MATK: variants seen among roughly 807,000 people sequenced by gnomAD.
MATK encodes the protein megakaryocyte-associated tyrosine-protein kinase.
In MATK, 41 loss-of-function variants were observed where a neutral mutation model predicts 59.8. That is an observed-to-expected ratio of 0.69 (90% CI 0.53 to 0.89). The LOEUF is 0.89. Among genes scored for constraint, MATK ranks in the 40% least tolerant of loss-of-function variants. The pLI, the probability that MATK is intolerant of heterozygous loss-of-function variation, is 0.00. For missense variants in MATK, 593 were observed against 719.6 expected (o/e 0.82, Z 2.01); for synonymous variants, 308 against 306.1 (o/e 1.01, Z -0.06).
intron 7 of MATK, chr19:3,782,784 C>T: frequency 2.9e-6 from 1 of 347,516 alleles, no homozygotes; most frequent in Non-Finnish European, 5.3e-6. Flanking sequence ...GGGCCTGAGG[C>T]TGGGCTGTGG....
chr19:3,779,874 C>T (rs2037375349), intron 8 of MATK, 77 bp from the exon 9 acceptor site: 9 of 873,186 alleles, frequency 1.0e-5, no homozygotes, highest in African/African-American at 1.6e-5. Context: ...CGGACAGGCC[C>T]GCTCACACCG....
At chr19:3,780,308 AAG>A (rs950657007) in intron 8 of MATK, among the ~76,000 whole-genome samples, 6 of 151,896 alleles carry the variant, frequency 4.0e-5, no homozygotes, top group Non-Finnish European at 5.9e-5. Context: ...AACAAAAACA[AAG>A]AGAGAACCAT....
chr19:3,800,178 TA>T (rs2037630532), intron 1 of MATK, among the ~76,000 whole-genome samples: 1 of 146,058 alleles, frequency 6.8e-6, no homozygotes, highest in Non-Finnish European at 1.5e-5. Context: ...AAAAGAAAAA[TA>T]AAATGTGTCT....
At chr19:3,796,507 T>C (rs1768973761) in intron 1 of MATK, among the ~76,000 whole-genome samples, 1 of 152,162 alleles carries the variant, frequency 6.6e-6, no homozygotes, top group African/African-American at 2.4e-5. Flanking sequence ...TTATTGACAG[T>C]GGAGCAATGT....
At chr19:3,784,600 GGAAA>G (rs1287902163) in intron 3 of MATK, 149 bp from the exon 4 acceptor site, 8 of 653,468 alleles carry the variant, frequency 1.2e-5, no homozygotes, top group Admixed American at 2.6e-5. Flanking sequence ...AGACATCGGG[GGAAA>G]GAAAGGGGGA....
chr19:3,779,775 C>T lies in MATK; in HGVS notation c.765G>A (p.Leu255=). The T allele has an allele frequency of 6.2e-7, 1 of 1,612,894 alleles. No homozygotes were observed. The highest frequency in any genetic ancestry group is 1.1e-5 in the South Asian group (1 of 91,068). The stretch of plus-strand genomic sequence containing the variant: ...TATTCTTCACGGCCACCTTTTGCCC[C>T]AGGTACTCACCCTGCAGGACAGCTG... ...EFGAVLQGEY[L]GQKVAVKNIK... is the part of the protein sequence containing the mutation. The change falls in exon 9 of 14, where the codon CTG becomes CTA. Residue 255 remains leucine (L), a synonymous_variant. Transcript: ENST00000310132.
In MATK at chr19:3,778,613, G is replaced by A; in HGVS notation, c.1198-18C>T. 1 of 1,594,748 alleles carries A rather than the reference G, an allele frequency of 6.3e-7. No individual in the cohort carries two copies. ...GTGAACTTCTGTGGGGCCCGAGACG[G>A]GGGTGAGGAGGGACCCCTCAGGTTT... On this transcript the variant is annotated intron_variant, in intron 12 of 13. Transcript: ENST00000310132.
At chr19:3,781,900 A>G (rs55805650) in intron 7 of MATK, among the ~76,000 whole-genome samples, 4,896 of 152,310 alleles carry the variant, frequency 0.032, 126 homozygotes, top group Middle Eastern at 0.092. Context: ...GTTGACCTGA[A>G]CAAAAAGGGG....
At chr19:3,788,982 C>T (rs530766981), upstream of MATK, among the ~76,000 whole-genome samples, 75 of 152,238 alleles carry the variant, frequency 4.9e-4, no homozygotes, top group African/African-American at 1.7e-3. Flanking sequence ...TGAGCCACGG[C>T]GCATGGTTTA....
In MATK at chr19:3,794,062, C is replaced by T. The variant is rs542756672; in HGVS notation, c.-57-4658G>A. Among the ~76,000 whole-genome samples the T allele has an allele frequency of 9.5e-4, 145 of 152,172 alleles. 1 individual carries two copies. The highest frequency in any genetic ancestry group is 2.9e-3 in the African/African-American group (121 of 41,522). On this transcript the variant is annotated intron_variant, in intron 1 of 13. Transcript: ENST00000395045. ...CACATGCTCTTCCTATCTCCTAGTA[C>T]TACATCCTTCCCCCAGCTCTTCTCA...
chr19:3,778,756 G>A (rs984430247), intron 12 of MATK, among the ~76,000 whole-genome samples, 161 bp from the exon 13 acceptor site: 7 of 152,212 alleles, frequency 4.6e-5, no homozygotes, highest in African/African-American at 1.7e-4. Context: ...CTCAGCCTTA[G>A]TGCATGAAGG....
At chr19:3,780,685 G>GC (rs1476679848) in intron 8 of MATK, among the ~76,000 whole-genome samples, 1 of 150,926 alleles carries the variant, frequency 6.6e-6, no homozygotes, top group Non-Finnish European at 1.5e-5. Flanking sequence ...GCCCGCCTCA[G>GC]CCTCCCAAAG....
At chr19:3,788,964 T>TA (rs1313141044), upstream of MATK, among the ~76,000 whole-genome samples, 1 of 152,196 alleles carries the variant, frequency 6.6e-6, no homozygotes, top group African/African-American at 2.4e-5. Context: ...GTGCTGGGAT[T>TA]ATAGGCGTGA....
upstream of MATK, among the ~76,000 whole-genome samples, chr19:3,790,556 G>A (rs542221682): frequency 5.3e-5 from 8 of 152,280 alleles, no homozygotes; most frequent in African/African-American, 1.9e-4. Flanking sequence ...GCTCAGCCTG[G>A]CATCCAGGGC....
In MATK at chr19:3,795,675, AG is replaced by A. The variant is rs531147594; in HGVS notation, c.-58+5856del. Among the ~76,000 whole-genome samples the A allele has an allele frequency of 2.0e-5, 3 of 149,760 alleles. No homozygotes were observed. In the South Asian group the frequency reaches 6.3e-4, roughly 32 times the overall value. ...GAGGAGTTGTGCGGATACAGATGGC[AG>A]GTTGGACTTGGCCCTCAGACTGTAG... On this transcript the variant is annotated intron_variant, in intron 1 of 13. Transcript: ENST00000395045.
chr19:3,791,850 G>A (rs1436704195), intron 1 of MATK, among the ~76,000 whole-genome samples: 3 of 151,836 alleles, frequency 2.0e-5, no homozygotes, highest in Admixed American at 2.0e-4. Flanking sequence ...GCTCACACCT[G>A]TAATCCCAGC....
In MATK at chr19:3,784,464, C is replaced by A; in HGVS notation, c.133-13G>T. On this transcript the variant is annotated splice_polypyrimidine_tract_variant and intron_variant, in intron 3 of 13. Coordinates refer to ENST00000310132, the MANE Select transcript of MATK (RefSeq NM_139355.3). ...GGGCCCAGCGCCTCTGCAGAGGGGG[C>A]CGGGAGAGGGGCAAAGGGAGGACAT... 1 of 1,569,490 alleles carries A rather than the reference C, an allele frequency of 6.4e-7. No homozygotes were observed.
chr19:3,787,802 C>A (rs2037502364), upstream of MATK: 1 of 135,774 alleles, frequency 7.4e-6, no homozygotes, highest in Non-Finnish European at 1.6e-5. Context: ...TCTGTTACCC[C>A]AAAAGGCTGT....
chr19:3,789,230 A>C, upstream of MATK: 2 of 761,458 alleles, frequency 2.6e-6, no homozygotes, highest in African/African-American at 3.4e-5. Context: ...GTTAAGTCAA[A>C]ATATCTGCAG....
Sources: allele counts gnomAD v4.1 joint callset (sites outside exome capture counted in the v4.1 genomes callset), GRCh38; gene constraint gnomAD v4.1.1; transcripts MANE v1.5; gene names NCBI Gene and HGNC (gene_info 2026-07-23, HGNC 2026-07-21).